Variants in CABCOCO1 observed in about 807,000 individuals in gnomAD.
CABCOCO1 encodes the protein ciliary-associated calcium-binding coiled-coil protein 1.
CABCOCO1 carries 28 observed loss-of-function variants against 35.7 expected under a neutral mutation model. That is an observed-to-expected ratio of 0.78 (90% CI 0.58 to 1.07). The LOEUF (loss-of-function observed/expected upper bound fraction) is 1.07, where lower values mean the gene tolerates loss of function less well. Among genes scored for constraint, CABCOCO1 ranks in the 50% least tolerant of loss-of-function variants. The pLI is 0.00. For missense variants in CABCOCO1, 326 were observed against 309.2 expected (o/e 1.05, Z -0.41); for synonymous variants, 95 against 100.1 (o/e 0.95, Z 0.30).
intron 5 of CABCOCO1, among the ~76,000 whole-genome samples, chr10:61,754,155 C>T (rs16916586): frequency 0.05 from 7,654 of 152,070 alleles, 694 homozygotes; most frequent in African/African-American, 0.17. Context: ...TGAAACAATT[C>T]GATGAAGTAG....
In CABCOCO1 at chr10:61,685,962, A is replaced by G. The variant is rs946341288; in HGVS notation, c.335-79A>G. 8.3e-6 allele frequency: 11 copies of G among 1,327,618 alleles called. No individual in the cohort carries two copies. In the African/African-American group the frequency reaches 1.7e-4, roughly 20 times the overall value. The allele number at this position is 1,327,618 out of a possible 1,614,324, so 82.2% of individuals were successfully genotyped here. A position where few individuals can be genotyped will look rare whatever the true frequency, so the allele number is the denominator to read the frequency against. The stretch of plus-strand genomic sequence containing the variant: ...TACTTAACAAAGTAAATTTTGGCAC[A>G]TTGAAAACATCTTGGATTATCTTAT... On this transcript the variant is annotated intron_variant, in intron 3 of 7. Transcript: ENST00000648843.
chr10:61,731,730 A>T (rs1282262287), intron 5 of CABCOCO1, among the ~76,000 whole-genome samples: 1 of 121,044 alleles, frequency 8.3e-6, no homozygotes, highest in Non-Finnish European at 1.7e-5. Context: ...TAAAAATGGA[A>T]GGGAGGGAGG....
chr10:61,695,212 C>A (rs1840263057), intron 5 of CABCOCO1, among the ~76,000 whole-genome samples: 1 of 148,740 alleles, frequency 6.7e-6, no homozygotes. Context: ...TAGAAAAATA[C>A]AATAAAAATT....
chr10:61,737,678 A>G (rs1015929451), intron 5 of CABCOCO1, among the ~76,000 whole-genome samples: 3 of 152,240 alleles, frequency 2.0e-5, no homozygotes, highest in Non-Finnish European at 4.4e-5. Flanking sequence ...GCCAAAGGCT[A>G]TCATCTTTAG....
chr10:61,703,843 G>T (rs1247023872), intron 5 of CABCOCO1, among the ~76,000 whole-genome samples: 1 of 152,084 alleles, frequency 6.6e-6, no homozygotes, highest in Non-Finnish European at 1.5e-5. Context: ...TTCTTTAAAA[G>T]CTCAGCCCAA....
At chr10:61,671,804 C>G (rs183026862) in intron 1 of CABCOCO1, among the ~76,000 whole-genome samples, 1 of 152,168 alleles carries the variant, frequency 6.6e-6, no homozygotes, top group Non-Finnish European at 1.5e-5. Flanking sequence ...TGTCATTTAC[C>G]TGCCCAGAAA....
chr10:61,722,860 C>T (rs1436287012), intron 5 of CABCOCO1, among the ~76,000 whole-genome samples: 1 of 152,016 alleles, frequency 6.6e-6, no homozygotes, highest in Non-Finnish European at 1.5e-5. Flanking sequence ...TATTGAAAGC[C>T]TAAATCAACC....
At chr10:61,679,758 A>G (rs1223816675) in intron 2 of CABCOCO1, among the ~76,000 whole-genome samples, 1 of 152,184 alleles carries the variant, frequency 6.6e-6, no homozygotes, top group Non-Finnish European at 1.5e-5. Context: ...TAGCAAATCA[A>G]ACACATCAGA....
At chr10:61,695,769 G>A (rs558434164) in intron 5 of CABCOCO1, among the ~76,000 whole-genome samples, 1 of 151,752 alleles carries the variant, frequency 6.6e-6, no homozygotes, top group Admixed American at 6.6e-5. Context: ...ACTTCATTCC[G>A]AGAAAAAAAC....
At chr10:61,705,220 C>G (rs182217812) in intron 5 of CABCOCO1, among the ~76,000 whole-genome samples, 1 of 152,280 alleles carries the variant, frequency 6.6e-6, no homozygotes, top group East Asian at 1.9e-4. Flanking sequence ...TCTTTGGCTT[C>G]TGGAACAGGA....
At position 61,665,811 on chromosome 10, in the gene CABCOCO1, C is replaced by T. The variant is rs1465232622; in HGVS notation, c.60+2779C>T. Among the ~76,000 whole-genome samples, 6 of 150,468 alleles carry T rather than the reference C, an allele frequency of 4.0e-5. No homozygotes were observed. The East Asian group carries it at 1.2e-3, about 30-fold the overall frequency. On this transcript the variant is annotated intron_variant, in intron 1 of 7. Coordinates refer to ENST00000648843, the MANE Select transcript of CABCOCO1 (RefSeq NM_001366906.2). ...CTGAGGCAGGAGAATGGCGTGAACCCGGGAGGCGGAGCTTGCAGTGAGCCG... is the reference window on the plus strand; with the variant it reads ...CTGAGGCAGGAGAATGGCGTGAACCTGGGAGGCGGAGCTTGCAGTGAGCCG...
At chr10:61,730,191 T>A (rs140221158) in intron 5 of CABCOCO1, among the ~76,000 whole-genome samples, 39 of 150,476 alleles carry the variant, frequency 2.6e-4, no homozygotes, top group Middle Eastern at 3.5e-3. Flanking sequence ...AACTAGAGCT[T>A]CTTAAGAAAT....
intron 5 of CABCOCO1, among the ~76,000 whole-genome samples, chr10:61,721,192 G>T (rs1467258284): frequency 1.3e-5 from 2 of 151,236 alleles, no homozygotes; most frequent in Admixed American, 1.3e-4. Flanking sequence ...CCAAAGTGCT[G>T]GGATTACAGG....
At chr10:61,678,713 T>C (rs1299506639) in intron 2 of CABCOCO1, among the ~76,000 whole-genome samples, 1 of 152,128 alleles carries the variant, frequency 6.6e-6, no homozygotes, top group Non-Finnish European at 1.5e-5. Flanking sequence ...ATTCACTCTT[T>C]CTTATTTTTA....
intron 5 of CABCOCO1, among the ~76,000 whole-genome samples, chr10:61,731,881 T>C (rs902161409): frequency 6.6e-6 from 1 of 151,964 alleles, no homozygotes; most frequent in Non-Finnish European, 1.5e-5. Context: ...ACCCTTAATA[T>C]AGATGCCAGA....
rs570508471 is a variant in CABCOCO1, at chr10:61,685,885, A to C, written c.335-156A>C. 8.5e-5 allele frequency among the ~76,000 whole-genome samples: 13 copies of C among 152,298 alleles called. No homozygotes were observed. The East Asian group carries it at 2.5e-3, about 29-fold the overall frequency. ...GCCAGCTTCTATTCTTTTGCATAAA[A>C]CGTATTAATTTATTATGAAGAAACA... On this transcript the variant is annotated intron_variant, in intron 3 of 7. Transcript: ENST00000648843.
chr10:61,766,037 G>T lies in CABCOCO1; in HGVS notation c.*24G>T. On this transcript the variant is annotated 3_prime_UTR_variant, in exon 8 of 8. Transcript: ENST00000648843. ...AAGGACTTGGTACAAGGAGAGTGAT[G>T]CTAAACTTCACAGAAACAAACAAAA... The T allele has an allele frequency of 6.3e-7, 1 of 1,591,006 alleles. No individual in the cohort carries two copies. Among genetic ancestry groups the T allele is most frequent in the Non-Finnish European group, 8.6e-7 (1 of 1,161,758 alleles).
At chr10:61,709,824 T>G (rs1840684558) in intron 5 of CABCOCO1, among the ~76,000 whole-genome samples, 1 of 152,032 alleles carries the variant, frequency 6.6e-6, no homozygotes, top group Admixed American at 6.6e-5. Context: ...AAAAAGAAGC[T>G]TTATTTATAG....
intron 5 of CABCOCO1, among the ~76,000 whole-genome samples, chr10:61,697,295 T>C (rs1840321645): frequency 6.6e-6 from 1 of 151,974 alleles, no homozygotes; most frequent in African/African-American, 2.4e-5. Context: ...CAATAAATAC[T>C]TGTTGTGTAC....
Sources: allele counts gnomAD v4.1 joint callset (sites outside exome capture counted in the v4.1 genomes callset), GRCh38; gene constraint gnomAD v4.1.1; transcripts MANE v1.5; gene names NCBI Gene and HGNC (gene_info 2026-07-23, HGNC 2026-07-21).